Variants in CDC42BPB observed in about 807,000 individuals in gnomAD.
CDC42BPB encodes serine/threonine-protein kinase MRCK beta.
In CDC42BPB, 37 loss-of-function variants were observed where a neutral mutation model predicts 214.9. The ratio of observed to expected loss-of-function variants is 0.17; its 90% CI spans 0.13 to 0.23. The LOEUF (loss-of-function observed/expected upper bound fraction) is 0.23. Ranked by LOEUF, CDC42BPB falls within the 10% of genes least tolerant of loss-of-function variation. The probability of loss-of-function intolerance (pLI) is 1.00; values close to 1 mark genes in which losing one functional copy is unlikely to be tolerated. For missense variants in CDC42BPB, 1,694 were observed against 2,227.0 expected, an observed-to-expected ratio of 0.76 and a Z score of 4.82; for synonymous variants, 931 against 884.0, an observed-to-expected ratio of 1.05 and a Z score of -0.94.
At chr14:103,033,774 G>A (rs920606142) in intron 1 of CDC42BPB, among the ~76,000 whole-genome samples, 2 of 152,250 alleles carry the variant, frequency 1.3e-5, no homozygotes, top group African/African-American at 4.8e-5. Context: ...TGAAAAATTA[G>A]TTTCCTTTTA....
At chr14:102,962,529 G>A (rs1893007551) in intron 20 of CDC42BPB, among the ~76,000 whole-genome samples, 1 of 152,222 alleles carries the variant, frequency 6.6e-6, no homozygotes, top group Non-Finnish European at 1.5e-5. Flanking sequence ...CTAGATTTGT[G>A]TGGATTTGCC....
chr14:103,019,139 G>C (rs1340251948), intron 1 of CDC42BPB, among the ~76,000 whole-genome samples: 2 of 152,094 alleles, frequency 1.3e-5, no homozygotes, highest in African/African-American at 4.8e-5. Context: ...TTGCTGTATT[G>C]TCCAGGCTGG....
Position 102,943,862 on chromosome 14 carries a change from G to T in CDC42BPB, c.4408+29C>A. On this transcript the variant is annotated intron_variant, in intron 30 of 36. Coordinates refer to ENST00000361246, the MANE Select transcript of CDC42BPB (RefSeq NM_006035.4). The surrounding 1 kb of genome is among the most constrained non-coding windows in gnomAD (Gnocchi z 4.6). ...ACTGTCGGTGGGAAAAGCAGCAACA[G>T]GGATATGCAACAGAAAACATATACA... The T allele has an allele frequency of 6.4e-7, 1 of 1,564,076 alleles. No homozygotes were observed.
intron 8 of CDC42BPB, chr14:102,978,433 T>A (rs144556265): frequency 7.9e-5 from 53 of 671,328 alleles, no homozygotes; most frequent in African/African-American, 7.8e-4. Context: ...GGAGACACAC[T>A]CTGATTTCGA....
At chr14:102,994,508 G>A (rs1219502555) in intron 5 of CDC42BPB, among the ~76,000 whole-genome samples, 2 of 152,194 alleles carry the variant, frequency 1.3e-5, no homozygotes, top group Non-Finnish European at 2.9e-5. Context: ...CAGGCCAACT[G>A]AGAGAGCTGA....
At chr14:103,020,817 A>T (rs913645332) in intron 1 of CDC42BPB, among the ~76,000 whole-genome samples, 3 of 152,254 alleles carry the variant, frequency 2.0e-5, no homozygotes, top group South Asian at 2.1e-4. Context: ...CGGCTGACGC[A>T]GCTACGGAAG....
At chr14:102,946,788 G>A in intron 27 of CDC42BPB, 104 bp from the exon 28 acceptor site, 1 of 1,490,480 alleles carries the variant, frequency 6.7e-7, no homozygotes, top group Non-Finnish European at 8.9e-7. Flanking sequence ...AGCAACGGGG[G>A]CTGATGTGCT....
chr14:102,936,243 C>T (rs1424787182), intron 36 of CDC42BPB, among the ~76,000 whole-genome samples: 1 of 152,214 alleles, frequency 6.6e-6, no homozygotes, highest in Non-Finnish European at 1.5e-5. Flanking sequence ...CAATCCCACT[C>T]ACAGGCATAA....
chr14:102,999,391 C>T (rs546943280), intron 5 of CDC42BPB, among the ~76,000 whole-genome samples, 174 bp downstream of exon 5: 20 of 152,142 alleles, frequency 1.3e-4, no homozygotes, highest in Admixed American at 3.3e-4. Context: ...TGGGATCCAC[C>T]GGCTGCTGGG....
intron 21 of CDC42BPB, chr14:102,956,331 C>G: frequency 2.7e-6 from 1 of 373,576 alleles, no homozygotes; most frequent in Non-Finnish European, 3.7e-6. Flanking sequence ...TCATTTCCCA[C>G]CCAGTCAACA....
At chr14:103,046,512 A>T (rs943274521) in intron 1 of CDC42BPB, among the ~76,000 whole-genome samples, 1 of 152,256 alleles carries the variant, frequency 6.6e-6, no homozygotes, top group Admixed American at 6.5e-5. Flanking sequence ...CACAGGAAAC[A>T]GACAAGGTAG....
Position 102,972,117 on chromosome 14 carries a change from T to A in CDC42BPB, c.1686A>T (p.Glu562Asp), listed in dbSNP as rs550942756. ...TTCGCTGCTGATGGGCATCTTTGAG[T>A]TCCTTGGCCTGGGATTTCAACCGCT... ...ASERLKSQAKELKDAHQQRKL... is the reference protein window; with the variant it reads ...ASERLKSQAKDLKDAHQQRKL... The change falls in exon 13 of 37, where the codon GAA becomes GAT. Residue 562 changes from glutamate (E) to aspartate (D), a missense_variant. Physicochemically the swap from Glu to Asp is conservative, Grantham distance 45 (BLOSUM62 2). Coordinates refer to ENST00000361246, the MANE Select transcript of CDC42BPB (RefSeq NM_006035.4). 1 of 1,614,252 alleles carries A rather than the reference T, an allele frequency of 6.2e-7. No homozygotes were observed. Among genetic ancestry groups the A allele is most frequent in the Admixed American group, 1.7e-5 (1 of 60,034 alleles).
chr14:103,043,380 G>A (rs997141044), intron 1 of CDC42BPB, among the ~76,000 whole-genome samples: 8 of 152,170 alleles, frequency 5.3e-5, no homozygotes, highest in African/African-American at 1.9e-4. Context: ...CACTATATAC[G>A]CTACAACATG....
Position 102,966,395 on chromosome 14 carries a change from A to C in CDC42BPB, c.2472-8T>G. The C allele has an allele frequency of 6.2e-7, 1 of 1,612,934 alleles. No individual in the cohort carries two copies. The highest frequency in any genetic ancestry group is 8.5e-7 in the Non-Finnish European group (1 of 1,179,184). On this transcript the variant is annotated splice_polypyrimidine_tract_variant and splice_region_variant and intron_variant, in intron 17 of 36. Transcript: ENST00000361246. ...TCTTTCTCGTCACTGACCCTGGAGG[A>C]GGGAACAGATGTTCTATCTCACGAA...
rs1888270722 is a variant in CDC42BPB, at chr14:103,046,143, G to A, written c.175+10856C>T. ...CATCCGCTTCAAGTCTGTGGGAGAA[G>A]CAGTCAGATCCTCCCCCACCAGCCC... On this transcript the variant is annotated intron_variant, in intron 1 of 36. Transcript: ENST00000361246. 4.6e-5 allele frequency among the ~76,000 whole-genome samples: 7 copies of A among 152,144 alleles called. No homozygotes were observed. In the South Asian group the frequency reaches 1.5e-3, roughly 32 times the overall value.
At chr14:103,053,502 C>T (rs1425418245) in intron 1 of CDC42BPB, among the ~76,000 whole-genome samples, 4 of 152,038 alleles carry the variant, frequency 2.6e-5, no homozygotes, top group Non-Finnish European at 5.9e-5. Context: ...TGGCTCACAC[C>T]TGTAATCCAA....
chr14:103,027,411 A>G (rs1293318418), intron 1 of CDC42BPB, among the ~76,000 whole-genome samples: 1 of 152,244 alleles, frequency 6.6e-6, no homozygotes, highest in Non-Finnish European at 1.5e-5. Flanking sequence ...ATATAAAAAA[A>G]ATTTGTACAT....
chr14:103,018,165 C>T (rs1417138359), intron 1 of CDC42BPB, among the ~76,000 whole-genome samples: 1 of 152,176 alleles, frequency 6.6e-6, no homozygotes, highest in African/African-American at 2.4e-5. Context: ...TAATGCCACG[C>T]TGATCTGACC....
chr14:103,020,238 T>C (rs1423132547), intron 1 of CDC42BPB, among the ~76,000 whole-genome samples: 1 of 152,224 alleles, frequency 6.6e-6, no homozygotes, highest in African/African-American at 2.4e-5. Context: ...ATAATACCTT[T>C]TACCAATGAA....
Sources: gnomAD v4.1 joint callset for allele counts (sites outside exome capture counted in the v4.1 genomes callset) on GRCh38, gnomAD v4.1.1 for gene constraint, Gnocchi (gnomAD v3.1) non-coding constraint, MANE v1.5 for transcripts, NCBI Gene and HGNC (gene_info 2026-07-23, HGNC 2026-07-21) for gene names.